Variants in RAB7A observed in about 807,000 individuals in gnomAD.
The protein encoded by RAB7A is RAB7A, member RAS oncogene family, also known as ras-related protein Rab-7a.
RAB7A carries 2 observed loss-of-function variants against 24.5 expected under a neutral mutation model. The observed-to-expected ratio is 0.08, with a 90% CI of 0.03 to 0.26. RAB7A has a LOEUF of 0.26. Ranked by LOEUF, RAB7A falls within the 10% of genes least tolerant of loss-of-function variation. RAB7A has a pLI of 1.00. For synonymous variants in RAB7A, 100 were observed against 95.9 expected (o/e 1.04, Z -0.25); for missense variants, 118 against 255.7 (o/e 0.46, Z 3.67).
At position 128,806,365 on chromosome 3, in the gene RAB7A, C is replaced by G. The variant is rs1402096931; in HGVS notation, c.181-7C>G. 4 of 1,603,744 alleles carry G rather than the reference C, an allele frequency of 2.5e-6. No individual in the cohort carries two copies. Among genetic ancestry groups the G allele is most frequent in the African/African-American group, 1.3e-5 (1 of 74,494 alleles). On this transcript the variant is annotated splice_polypyrimidine_tract_variant and splice_region_variant and intron_variant, in intron 3 of 5. Coordinates refer to ENST00000265062, the MANE Select transcript of RAB7A (RefSeq NM_004637.6). ...CTCCCAAGGAATGAATGTTTTGTCT[C>G]TCACAGATATGGGACACAGCAGGAC...
chr3:128,738,510 ATC>A (rs2070515258), intron 1 of RAB7A, among the ~76,000 whole-genome samples: 1 of 151,616 alleles, frequency 6.6e-6, no homozygotes. Context: ...ATTCCCCTTC[ATC>A]TCTGTTTTCT....
chr3:128,804,924 A>G (rs150468422), intron 3 of RAB7A, among the ~76,000 whole-genome samples: 11 of 152,328 alleles, frequency 7.2e-5, no homozygotes, highest in East Asian at 1.9e-4. Context: ...CTGCTCTCCC[A>G]TGTCACCCCA....
At chr3:128,741,290 G>A (rs1241921400) in intron 1 of RAB7A, among the ~76,000 whole-genome samples, 2 of 151,996 alleles carry the variant, frequency 1.3e-5, no homozygotes, top group Non-Finnish European at 2.9e-5. Flanking sequence ...GTAACATAGA[G>A]ACTTTTCTGT....
In RAB7A at chr3:128,813,444, CAG is replaced by C. The variant is rs1559799310; in HGVS notation, c.*25_*26del. 3 of 1,604,408 alleles carry C rather than the reference CAG, an allele frequency of 1.9e-6. No homozygotes were observed. The African/African-American group carries it at 4.0e-5, about 21-fold the overall frequency. On this transcript the variant is annotated 3_prime_UTR_variant, in exon 6 of 6. Transcript: ENST00000265062. ...CTGAGGGGGCAGTGAGAGTTGAGCACAGAGTCCTTCACAAACCAAGAACACAC... is the reference window on the plus strand; with the variant it reads ...CTGAGGGGGCAGTGAGAGTTGAGCACAGTCCTTCACAAACCAAGAACACAC...
intron 2 of RAB7A, among the ~76,000 whole-genome samples, chr3:128,795,849 T>G (rs992496621): frequency 6.9e-6 from 1 of 145,284 alleles, no homozygotes; most frequent in South Asian, 2.2e-4. Flanking sequence ...CCTCCCGGAT[T>G]CACGCCATTC....
At chr3:128,743,661 T>C (rs1185649503) in intron 1 of RAB7A, among the ~76,000 whole-genome samples, 1 of 152,034 alleles carries the variant, frequency 6.6e-6, no homozygotes, top group Non-Finnish European at 1.5e-5. Context: ...CTGAACAAAA[T>C]CAAGAAAGAG....
rs748597520 is a variant in RAB7A, at chr3:128,813,311, C to G, written c.529-16C>G. On this transcript the variant is annotated splice_polypyrimidine_tract_variant and intron_variant, in intron 5 of 5. Transcript: ENST00000265062. ...TATTCCCTGAGTAACCAACCTTTCT[C>G]TGTTTCCTTGTCCAGGAAACGGAGG... 1.2e-6 allele frequency: 2 copies of G among 1,610,650 alleles called. No individual in the cohort carries two copies. The highest frequency in any genetic ancestry group is 4.5e-5 in the East Asian group (2 of 44,864).
At chr3:128,784,237 A>G (rs1015725554) in intron 1 of RAB7A, among the ~76,000 whole-genome samples, 11 of 152,188 alleles carry the variant, frequency 7.2e-5, no homozygotes, top group Admixed American at 5.9e-4. Flanking sequence ...TCCCCAAGAA[A>G]CACGTTACTG....
intron 1 of RAB7A, among the ~76,000 whole-genome samples, chr3:128,769,482 G>GT (rs1350677615): frequency 6.6e-6 from 1 of 151,978 alleles, no homozygotes; most frequent in African/African-American, 2.4e-5. Context: ...TATTGGGTTG[G>GT]TTTTTTTCTT....
intron 1 of RAB7A, among the ~76,000 whole-genome samples, chr3:128,794,235 A>C (rs1478780857): frequency 6.6e-6 from 1 of 152,144 alleles, no homozygotes; most frequent in African/African-American, 2.4e-5. Context: ...TATTTGGCAT[A>C]CCTTAAGATG....
chr3:128,776,587 C>T (rs1272490105), intron 1 of RAB7A, among the ~76,000 whole-genome samples: 1 of 152,196 alleles, frequency 6.6e-6, no homozygotes, highest in African/African-American at 2.4e-5. Flanking sequence ...GCCTGACCAA[C>T]TACGTTTTCT....
At chr3:128,778,215 T>G (rs909016620) in intron 1 of RAB7A, among the ~76,000 whole-genome samples, 1 of 152,328 alleles carries the variant, frequency 6.6e-6, no homozygotes, top group African/African-American at 2.4e-5. Flanking sequence ...AGAGACTGTA[T>G]TTGAGATCAT....
chr3:128,807,564 G>T lies in RAB7A; in HGVS notation c.421G>T (p.Ala141Ser), dbSNP rs201399896. The T allele has an allele frequency of 6.2e-7, 1 of 1,614,166 alleles. No individual in the cohort carries two copies. The highest frequency in any genetic ancestry group is 1.3e-5 in the African/African-American group (1 of 75,050). ...NRQVATKRAQAWCYSKNNIPY... is the reference protein window; with the variant it reads ...NRQVATKRAQSWCYSKNNIPY... Reference sequence around the variant, plus strand: ...TCAGGTGGCCACAAAGCGGGCACAGGCCTGGTGCTACAGCAAAAACAACAT... The same window carrying T: ...TCAGGTGGCCACAAAGCGGGCACAGTCCTGGTGCTACAGCAAAAACAACAT... Residue 141 changes from alanine (A) to serine (S), a missense_variant, in exon 5 of 6, where the codon GCC (alanine) becomes TCC (serine). Ala to Ser is a moderately conservative substitution (Grantham distance 99). Around this residue, in one of 2 missense-constraint regions of RAB7A, gnomAD observed 52 missense variants for 173.5 expected, o/e 0.30. Coordinates refer to ENST00000265062, the MANE Select transcript of RAB7A (RefSeq NM_004637.6).
At chr3:128,804,291 A>G (rs1348924014) in intron 3 of RAB7A, among the ~76,000 whole-genome samples, 2 of 152,204 alleles carry the variant, frequency 1.3e-5, no homozygotes, top group African/African-American at 2.4e-5. Flanking sequence ...CCCCTCCTAT[A>G]TACATATCCT....
chr3:128,752,197 G>A (rs2070689104), intron 1 of RAB7A, among the ~76,000 whole-genome samples: 1 of 152,148 alleles, frequency 6.6e-6, no homozygotes, highest in Admixed American at 6.5e-5. Flanking sequence ...TACAAACTAT[G>A]CTAACTAACT....
chr3:128,778,575 G>A (rs936296017), intron 1 of RAB7A, among the ~76,000 whole-genome samples: 1 of 152,204 alleles, frequency 6.6e-6, no homozygotes, highest in South Asian at 2.1e-4. Context: ...CTTACGATGA[G>A]TATTATTCAG....
At position 128,807,575 on chromosome 3, in the gene RAB7A, C is replaced by T; in HGVS notation, c.432C>T (p.Tyr144=). The change falls in exon 5 of 6, where the codon TAC becomes TAT. Residue 144 remains tyrosine, a synonymous_variant. Transcript: ENST00000265062. ...VATKRAQAWC[Y]SKNNIPYFET... is the part of the protein sequence containing the mutation. ...CAAAGCGGGCACAGGCCTGGTGCTA[C>T]AGCAAAAACAACATTCCCTACTTTG... The T allele has an allele frequency of 3.1e-6, 5 of 1,614,192 alleles. No individual in the cohort carries two copies. The highest frequency in any genetic ancestry group is 3.4e-6 in the Non-Finnish European group (4 of 1,180,036).
At chr3:128,735,795 G>T (rs73196989) in intron 1 of RAB7A, among the ~76,000 whole-genome samples, 1 of 152,084 alleles carries the variant, frequency 6.6e-6, no homozygotes, top group Non-Finnish European at 1.5e-5. Flanking sequence ...TCAAACTATC[G>T]AAGATAGTTC....
intron 3 of RAB7A, 31 bp from the exon 4 acceptor site, chr3:128,806,341 T>TC (rs2107615641): frequency 6.3e-7 from 1 of 1,580,012 alleles, no homozygotes; most frequent in East Asian, 2.3e-5. Context: ...CCTAGCATTC[T>TC]CCCAAGGAAT....
Sources: gnomAD v4.1 joint callset for allele counts (sites outside exome capture counted in the v4.1 genomes callset) on GRCh38, gnomAD v4.1.1 for gene constraint, gnomAD v4.1.1 regional missense constraint, MANE v1.5 for transcripts, NCBI Gene and HGNC (gene_info 2026-07-23, HGNC 2026-07-21) for gene names.